SNTG1: variants seen among roughly 807,000 people sequenced by gnomAD.
The protein encoded by SNTG1 is syntrophin gamma 1.
A neutral mutation model predicts 74.7 loss-of-function variants in SNTG1; 39 were observed. The ratio of observed to expected loss-of-function variants is 0.52; its 90% CI spans 0.40 to 0.68. The LOEUF (loss-of-function observed/expected upper bound fraction) is 0.68. Ranked by LOEUF, SNTG1 falls within the 30% of genes least tolerant of loss-of-function variation. The pLI is 0.00. For synonymous variants in SNTG1, 254 were observed against 217.1 expected, an observed-to-expected ratio of 1.17 and a Z score of -1.49; for missense variants, 685 against 609.5, an observed-to-expected ratio of 1.12 and a Z score of -1.30.
intron 1 of SNTG1, among the ~76,000 whole-genome samples, chr8:50,053,623 T>TTGTGTGTGTGTGTGTGTGTGTGTGTG (rs60947505): frequency 7.4e-6 from 1 of 134,430 alleles, no homozygotes; most frequent in Non-Finnish European, 1.5e-5. Context: ...ATATATATAA[T>TTGTGTGTGTGTGTGTGTGTGTGTGTG]TGTGTGTGTG....
intron 2 of SNTG1, among the ~76,000 whole-genome samples, chr8:50,206,578 C>T (rs1002189015): frequency 6.6e-6 from 1 of 152,122 alleles, no homozygotes; most frequent in African/African-American, 2.4e-5. Flanking sequence ...TTCCTGATTG[C>T]CCTGGCCAGA....
intron 2 of SNTG1, among the ~76,000 whole-genome samples, chr8:50,183,580 T>G (rs889866367): frequency 6.6e-6 from 1 of 152,184 alleles, no homozygotes; most frequent in African/African-American, 2.4e-5. Context: ...ATCAGTATAA[T>G]CACCATTTAC....
intron 1 of SNTG1, among the ~76,000 whole-genome samples, chr8:49,931,742 A>G (rs761350785): frequency 1.4e-4 from 22 of 152,204 alleles, no homozygotes; most frequent in Non-Finnish European, 2.6e-4. Flanking sequence ...CTCAATATGA[A>G]TGAATGTCGC....
At chr8:50,344,972 A>G (rs552101723) in intron 2 of SNTG1, among the ~76,000 whole-genome samples, 7 of 152,316 alleles carry the variant, frequency 4.6e-5, no homozygotes, top group Admixed American at 3.9e-4. Flanking sequence ...GCAGGGGTGC[A>G]CAAACCCAGG....
At chr8:50,031,210 G>A (rs1817714925) in intron 1 of SNTG1, among the ~76,000 whole-genome samples, 1 of 151,712 alleles carries the variant, frequency 6.6e-6, no homozygotes, top group African/African-American at 2.4e-5. Context: ...GATCTTGTTG[G>A]ATTCTGTGAT....
intron 12 of SNTG1, among the ~76,000 whole-genome samples, chr8:50,554,512 G>C (rs2094444814): frequency 6.7e-6 from 1 of 149,138 alleles, no homozygotes; most frequent in African/African-American, 2.5e-5. Flanking sequence ...CAGGATAGGT[G>C]TAAATACACC....
intron 15 of SNTG1, among the ~76,000 whole-genome samples, chr8:50,672,861 G>A (rs551955032): frequency 2.6e-4 from 39 of 152,174 alleles, no homozygotes; most frequent in Non-Finnish European, 4.9e-4. Flanking sequence ...GTTAATTTTT[G>A]TTTAAGGTGT....
chr8:49,940,381 C>T (rs1808576386), intron 1 of SNTG1, among the ~76,000 whole-genome samples: 1 of 152,116 alleles, frequency 6.6e-6, no homozygotes. Flanking sequence ...GTAGATTTTC[C>T]TGGGAAATAC....
intron 1 of SNTG1, among the ~76,000 whole-genome samples, chr8:49,923,322 T>C (rs1262034171): frequency 2.0e-5 from 3 of 152,144 alleles, no homozygotes; most frequent in Admixed American, 1.3e-4. Context: ...GAAACATTTT[T>C]GGGAGGGGAA....
Position 50,718,145 on chromosome 8 carries a change from A to G in SNTG1, c.1284+9167A>G, listed in dbSNP as rs182398101. ...TTAATGGGCCATTAGCAATAGTTGG[A>G]AAAAAATACATTTCACTTGAGAATT... On this transcript the variant is annotated intron_variant, in intron 17 of 18. Transcript: ENST00000642720. 9.1e-4 allele frequency among the ~76,000 whole-genome samples: 138 copies of G among 152,130 alleles called. 3 individuals are homozygous for G. The East Asian group carries it at 0.022, about 24-fold the overall frequency.
chr8:50,217,587 A>AT (rs1286479478), intron 2 of SNTG1, among the ~76,000 whole-genome samples: 3 of 152,178 alleles, frequency 2.0e-5, no homozygotes, highest in Non-Finnish European at 4.4e-5. Flanking sequence ...TCTATTTACA[A>AT]TTTAATTACA....
At chr8:50,630,867 T>G (rs573815252) in intron 13 of SNTG1, among the ~76,000 whole-genome samples, 5 of 152,316 alleles carry the variant, frequency 3.3e-5, no homozygotes, top group African/African-American at 1.2e-4. Context: ...GATCCTAGGC[T>G]CTCTGCCTAA....
intron 1 of SNTG1, among the ~76,000 whole-genome samples, chr8:50,111,457 C>G (rs1261132372): frequency 6.6e-6 from 1 of 151,952 alleles, no homozygotes; most frequent in African/African-American, 2.4e-5. Flanking sequence ...CTTCTTGCAC[C>G]TACAGAAGAA....
intron 13 of SNTG1, among the ~76,000 whole-genome samples, chr8:50,642,271 T>C (rs148745077): frequency 6.2e-4 from 94 of 152,320 alleles, no homozygotes; most frequent in African/African-American, 2.1e-3. Context: ...TTCAAGTCTC[T>C]ATCATCTCTC....
intron 13 of SNTG1, among the ~76,000 whole-genome samples, chr8:50,640,212 A>T (rs1346563839): frequency 6.6e-6 from 1 of 152,172 alleles, no homozygotes; most frequent in East Asian, 1.9e-4. Context: ...GCCTATGAAA[A>T]GAAATGGCTT....
At position 50,541,838 on chromosome 8, in the gene SNTG1, C is replaced by T. The variant is rs147520611; in HGVS notation, c.680+5030C>T. 1.1e-4 allele frequency among the ~76,000 whole-genome samples: 17 copies of T among 151,828 alleles called. No homozygotes were observed. The East Asian group carries it at 2.5e-3, about 23-fold the overall frequency. Reference sequence around the variant, plus strand: ...CTCTCTCTTCTAACTTTCCTGGTCTCGGGTAATGAACAATTTACTAGCTGT... The same window carrying T: ...CTCTCTCTTCTAACTTTCCTGGTCTTGGGTAATGAACAATTTACTAGCTGT... On this transcript the variant is annotated intron_variant, in intron 11 of 18. Coordinates refer to ENST00000642720, the MANE Select transcript of SNTG1 (RefSeq NM_018967.5).
chr8:50,332,913 C>T (rs1278055223), intron 2 of SNTG1, among the ~76,000 whole-genome samples: 1 of 152,104 alleles, frequency 6.6e-6, no homozygotes, highest in Non-Finnish European at 1.5e-5. Flanking sequence ...TTCTCAGAAC[C>T]AATGTAATCA....
rs36195459 is a variant in SNTG1 at position 50,266,670 on chromosome 8, G to GTATATATA, written c.-28+94036_-28+94037insATATATAT. 1.2e-4 allele frequency among the ~76,000 whole-genome samples: 8 copies of GTATATATA among 67,338 alleles called. No homozygotes were observed. The East Asian group carries it at 3.0e-3, about 25-fold the overall frequency. The allele number at this position is 67,338 out of a possible 152,430, so 44.2% of individuals were successfully genotyped here. A position where few individuals can be genotyped will look rare whatever the true frequency, so the allele number is the denominator to read the frequency against. The stretch of plus-strand genomic sequence containing the variant: ...TATGTGTGTGTGTGTGTGTGTGTGT[G>GTATATATA]TGTGTGTGTGTGTGTATATATATAT... On this transcript the variant is annotated intron_variant, in intron 2 of 18. Coordinates refer to ENST00000642720, the MANE Select transcript of SNTG1 (RefSeq NM_018967.5).
chr8:50,472,342 C>T (rs956737832), intron 8 of SNTG1, among the ~76,000 whole-genome samples: 4 of 152,184 alleles, frequency 2.6e-5, no homozygotes, highest in African/African-American at 7.2e-5. Context: ...TAAAGACAGG[C>T]GCCACATTGT....
Sources: allele counts gnomAD v4.1 joint callset (sites outside exome capture counted in the v4.1 genomes callset), GRCh38; gene constraint gnomAD v4.1.1; transcripts MANE v1.5; gene names NCBI Gene and HGNC (gene_info 2026-07-23, HGNC 2026-07-21).